The following RHD variants were observed in gnomAD, a reference collection of about 807,000 sequenced individuals.
RHD encodes the protein blood group Rh(D) polypeptide.
RHD carries 16 observed loss-of-function variants against 45.5 expected under a neutral mutation model. That is an observed-to-expected ratio of 0.35 (90% confidence interval 0.24 to 0.53). The LOEUF (loss-of-function observed/expected upper bound fraction) is 0.53, where lower values mean the gene tolerates loss of function less well. Among genes scored for constraint, RHD ranks in the 20% least tolerant of loss-of-function variants. The pLI, the probability that RHD is intolerant of heterozygous loss-of-function variation, is 0.92. For missense variants in RHD, 306 were observed against 532.0 expected (o/e 0.58, Z 4.18); for synonymous variants, 131 against 217.5 (o/e 0.60, Z 3.50).
In RHD at chr1:25,329,494, C is replaced by T. The variant is rs530884028; in HGVS notation, c.*570C>T. On this transcript the variant is annotated 3_prime_UTR_variant, in exon 10 of 10. Coordinates refer to ENST00000328664, the MANE Select transcript of RHD (RefSeq NM_016124.6). ...CTGACCTCAAGTGATCTGCCCGCCT[C>T]GGCCTCCCAAAGTGCTGGAACCACA... 53 of 206,366 alleles carry T rather than the reference C, an allele frequency of 2.6e-4. 9 individuals carry two copies. Among genetic ancestry groups the T allele is most frequent in the South Asian group, 2.4e-3 (53 of 22,242 alleles). 12.8% of individuals were successfully genotyped at this position (206,366 alleles called of 1,614,324 possible). A position where few individuals can be genotyped will look rare whatever the true frequency, so the allele number is the denominator to read the frequency against.
chr1:25,319,573 C>T (rs1392069675), intron 8 of RHD, among the ~76,000 whole-genome samples: 1 of 132,156 alleles, frequency 7.6e-6, no homozygotes, highest in African/African-American at 2.6e-5. Context: ...CATGCCACTG[C>T]ACTCCAGCCT....
chr1:25,288,519 G>A (rs1186861550), intron 2 of RHD, among the ~76,000 whole-genome samples: 2 of 125,842 alleles, frequency 1.6e-5, no homozygotes, highest in African/African-American at 5.4e-5. Context: ...GAAATCTGCA[G>A]GACTCTCCCT....
rs552597571 is a variant in RHD, at chr1:25,311,389, G to T, written c.1073+4660G>T. 3.0e-5 allele frequency among the ~76,000 whole-genome samples: 4 copies of T among 131,248 alleles called. 2 individuals are homozygous for T. Among genetic ancestry groups the T allele is most frequent in the Admixed American group, 3.0e-4 (4 of 13,516 alleles). The allele number at this position is 131,248 out of a possible 152,430, so 86.1% of individuals were successfully genotyped here. A position where few individuals can be genotyped will look rare whatever the true frequency, so the allele number is the denominator to read the frequency against. ...AGTACACATAAATTAGCCAGGCGTG[G>T]TGGTGGGCGCCTGTATTCCCAGCTA... On this transcript the variant is annotated intron_variant, in intron 7 of 9. Coordinates refer to ENST00000328664, the MANE Select transcript of RHD (RefSeq NM_016124.6).
Position 25,301,665 on chromosome 1 carries a change from C to A in RHD, c.780C>A (p.His260Gln), listed in dbSNP as rs1170243924. ...CCATCTCAGGGTCATCCTTGGCTCA[C>A]CCCCAAGGGAAGATCAGCAAGGTGA... ...VTAISGSSLA[H>Q]PQGKISKTYV... is the part of the protein sequence containing the mutation. The change falls in exon 5 of 10, where the codon CAC (histidine) becomes CAA (glutamine). Residue 260 changes from histidine (H) to glutamine (Q), a missense_variant. Physicochemically the swap from His to Gln is conservative, Grantham distance 24. Transcript: ENST00000328664. 38 of 1,379,722 alleles carry A rather than the reference C, an allele frequency of 2.8e-5. 11 individuals carry two copies. Among genetic ancestry groups the A allele is most frequent in the Admixed American group, 8.8e-5 (5 of 56,512 alleles). The allele number at this position is 1,379,722 out of a possible 1,614,324, so 85.5% of individuals were successfully genotyped here.
intron 5 of RHD, among the ~76,000 whole-genome samples, chr1:25,302,261 TGA>T (rs201067761): frequency 0.012 from 1,590 of 130,038 alleles, 206 homozygotes; most frequent in African/African-American, 0.04. Flanking sequence ...ATGGTGTGTG[TGA>T]GTCTTGTGGG....
rs1231325217 is a variant in RHD at position 25,301,460 on chromosome 1, G to A, written c.635-60G>A. 14 of 1,319,684 alleles carry A rather than the reference G, an allele frequency of 1.1e-5. 3 individuals are homozygous for A. The highest frequency in any genetic ancestry group is 7.2e-5 in the South Asian group (6 of 83,676). The allele number at this position is 1,319,684 out of a possible 1,614,324, so 81.7% of individuals were successfully genotyped here. ...CTAGGATTCTCATCCAAAACCCCTC[G>A]AGGCTCAGACCTTTGGAGCAGGAGT... On this transcript the variant is annotated intron_variant, in intron 4 of 9. Coordinates refer to ENST00000328664, the MANE Select transcript of RHD (RefSeq NM_016124.6).
chr1:25,286,167 G>GA (rs1327137415), intron 2 of RHD, among the ~76,000 whole-genome samples: 1 of 134,932 alleles, frequency 7.4e-6, no homozygotes, highest in Non-Finnish European at 1.8e-5. Flanking sequence ...GCCCTGGAGG[G>GA]AAAAAACTTT....
At chr1:25,293,187 G>T (rs531635502) in intron 3 of RHD, among the ~76,000 whole-genome samples, 1 of 130,802 alleles carries the variant, frequency 7.6e-6, no homozygotes, top group East Asian at 2.0e-4. Flanking sequence ...CTATAAAGGG[G>T]AACAGAGAAA....
rs1306228854 is a variant in RHD at position 25,288,597 on chromosome 1, G to A, written c.336-2044G>A. 4.0e-5 allele frequency among the ~76,000 whole-genome samples: 5 copies of A among 126,450 alleles called. 1 individual carries two copies. The highest frequency in any genetic ancestry group is 1.4e-4 in the African/African-American group (5 of 36,440). 83.0% of individuals were successfully genotyped at this position (126,450 alleles called of 152,430 possible). Reference sequence around the variant, plus strand: ...TATATCAACTCACTTTGCCCTTACCGTGGCTCCAGAGGCATTGGGTCCACC... The same window carrying A: ...TATATCAACTCACTTTGCCCTTACCATGGCTCCAGAGGCATTGGGTCCACC... On this transcript the variant is annotated intron_variant, in intron 2 of 9. Transcript: ENST00000328664.
chr1:25,294,384 G>A (rs1165981926), intron 3 of RHD: 1 of 772,218 alleles, frequency 1.3e-6, no homozygotes, highest in Non-Finnish European at 2.3e-6. Flanking sequence ...CGCAGAGCAA[G>A]GATTCAAATA....
chr1:25,311,370 C>T (rs143704756), intron 7 of RHD, among the ~76,000 whole-genome samples: 3,008 of 130,298 alleles, frequency 0.023, 472 homozygotes, highest in African/African-American at 0.072. Flanking sequence ...AACTAGTACA[C>T]ATAAATTAGC....
intron 3 of RHD, among the ~76,000 whole-genome samples, chr1:25,296,994 T>G (rs1643011959): frequency 7.6e-6 from 1 of 131,912 alleles, no homozygotes; most frequent in African/African-American, 2.6e-5. Context: ...AATGAGAAAT[T>G]GACATTGATA....
rs17421158 is a variant in RHD at position 25,301,003 on chromosome 1, T to A, written c.544T>A (p.Ser182Thr). ...CGTGTTCGCAGCCTATTTTGGGCTG[T>A]CTGTGGCCTGGTGCCTGCCAAAGCC... is the stretch of plus-strand genomic sequence containing the variant. The part of the protein sequence containing the change: ...IYVFAAYFGL[S>T]VAWCLPKPLP... The change falls in exon 4 of 10, where the codon TCT (serine) becomes ACT (threonine). Residue 182 changes from serine (S) to threonine (T), a missense_variant. Transcript: ENST00000328664. 66 of 1,375,900 alleles carry A rather than the reference T, an allele frequency of 4.8e-5. 17 individuals carry two copies. The highest frequency in any genetic ancestry group is 3.6e-4 in the Middle Eastern group (2 of 5,512). 85.2% of individuals were successfully genotyped at this position (1,375,900 alleles called of 1,614,324 possible). A position where few individuals can be genotyped will look rare whatever the true frequency, so the allele number is the denominator to read the frequency against.
At chr1:25,306,077 G>A (rs569303126) in intron 6 of RHD, among the ~76,000 whole-genome samples, 2 of 132,026 alleles carry the variant, frequency 1.5e-5, no homozygotes, top group African/African-American at 5.2e-5. Context: ...CTAACCAGCT[G>A]TGTTGTCTTT....
At chr1:25,324,719 T>C (rs1644879228) in intron 9 of RHD, among the ~76,000 whole-genome samples, 1 of 149,488 alleles carries the variant, frequency 6.7e-6, no homozygotes, top group Non-Finnish European at 1.5e-5. Flanking sequence ...CCACATTACC[T>C]GATTTTATCC....
rs1481960822 is a variant in RHD at position 25,294,031 on chromosome 1, C to G, written c.486+3240C>G. 65 of 577,516 alleles carry G rather than the reference C, an allele frequency of 1.1e-4. 21 individuals carry two copies. Among genetic ancestry groups the G allele is most frequent in the Non-Finnish European group, 2.0e-4 (61 of 303,600 alleles). 35.8% of individuals were successfully genotyped at this position (577,516 alleles called of 1,614,324 possible). On this transcript the variant is annotated intron_variant, in intron 3 of 9. Coordinates refer to ENST00000328664, the MANE Select transcript of RHD (RefSeq NM_016124.6). ...TCAAAGATTAAATTCTGAAAATAAT[C>G]TTGTGATTAAGAGAAGAAGGCTGTC...
rs776237765 is a variant in RHD at position 25,275,883 on chromosome 1, C to T, written c.148+3188C>T. Among the ~76,000 whole-genome samples, 49 of 132,022 alleles carry T rather than the reference C, an allele frequency of 3.7e-4. 11 individuals are homozygous for T. Among genetic ancestry groups the T allele is most frequent in the Non-Finnish European group, 1.8e-4 (10 of 55,886 alleles). 86.6% of individuals were successfully genotyped at this position (132,022 alleles called of 152,430 possible). A position where few individuals can be genotyped will look rare whatever the true frequency, so the allele number is the denominator to read the frequency against. ...TGACAGCTTGTACGAGGAGAAGTTT[C>T]ACTCTGCCTTTTCCCTTTTGTTCAC... On this transcript the variant is annotated intron_variant, in intron 1 of 9. Transcript: ENST00000328664.
chr1:25,277,092 G>A (rs187261465), intron 1 of RHD, among the ~76,000 whole-genome samples: 2 of 131,998 alleles, frequency 1.5e-5, no homozygotes, highest in South Asian at 2.3e-4. Flanking sequence ...AAAAATAAAT[G>A]AAACATAAAA....
chr1:25,307,985 A>T (rs1643940977), intron 7 of RHD, among the ~76,000 whole-genome samples: 1 of 125,864 alleles, frequency 7.9e-6, no homozygotes, highest in African/African-American at 2.8e-5. Context: ...TGAGGACTTG[A>T]CCTAGCAAGG....
Sources: gnomAD v4.1 joint callset for allele counts (sites outside exome capture counted in the v4.1 genomes callset) on GRCh38, gnomAD v4.1.1 for gene constraint, MANE v1.5 for transcripts, NCBI Gene and HGNC (gene_info 2026-07-23, HGNC 2026-07-21) for gene names.